The following SEMA3A variants were observed in gnomAD, a reference collection of about 807,000 sequenced individuals.
SEMA3A encodes semaphorin 3A, also known as semaphorin-3A.
Under a neutral mutation model 97.9 loss-of-function variants are expected in SEMA3A, and 29 were observed. The observed-to-expected ratio is 0.30, with a 90% confidence interval of 0.22 to 0.40. The LOEUF (loss-of-function observed/expected upper bound fraction) is 0.40. Among genes scored for constraint, SEMA3A ranks in the 10% least tolerant of loss-of-function variants. SEMA3A has a pLI of 1.00. For missense variants in SEMA3A, 763 were observed against 951.3 expected (o/e 0.80, Z 2.60); for synonymous variants, 321 against 323.7 (o/e 0.99, Z 0.09).
In SEMA3A at chr7:84,208,320, C is replaced by T. The variant is rs559347829; in HGVS notation, c.-82-13652G>A. On this transcript the variant is annotated intron_variant, in intron 3 of 3. Coordinates refer to the SEMA3A transcript ENST00000424555. ...ACAAAAAATTAGCTGGGTGTGGTGG[C>T]GGGCGCCTGTAATCCCAGCTACTGG... is the stretch of plus-strand genomic sequence containing the variant. Among the ~76,000 whole-genome samples the T allele has an allele frequency of 2.1e-4, 32 of 151,610 alleles. 1 individual carries two copies. The East Asian group carries it at 4.5e-3, about 21-fold the overall frequency.
intron 5 of SEMA3A, among the ~76,000 whole-genome samples, chr7:84,047,828 C>A (rs1792414157): frequency 6.6e-6 from 1 of 151,912 alleles, no homozygotes; most frequent in South Asian, 2.1e-4. Context: ...GTACCTAATT[C>A]TTACTTGCAA....
intron 1 of SEMA3A, among the ~76,000 whole-genome samples, chr7:84,161,549 A>C (rs1333795230): frequency 6.6e-6 from 1 of 152,154 alleles, no homozygotes; most frequent in Non-Finnish European, 1.5e-5. Context: ...CTATAAAAGT[A>C]GTTGGCAAGC....
At chr7:84,253,165 A>C (rs1799646316) in intron 3 of SEMA3A, among the ~76,000 whole-genome samples, 1 of 152,226 alleles carries the variant, frequency 6.6e-6, no homozygotes, top group South Asian at 2.1e-4. Context: ...GGCATGAGCC[A>C]AGGAGCCCAG....
chr7:84,128,973 T>C (rs1016997533), intron 3 of SEMA3A, 150 bp downstream of exon 3: 4 of 612,704 alleles, frequency 6.5e-6, no homozygotes, highest in Middle Eastern at 3.0e-4. Flanking sequence ...TATTGGGTTC[T>C]ATCCTAAAGA....
chr7:84,184,016 T>C (rs1259262167), intron 1 of SEMA3A, among the ~76,000 whole-genome samples: 2 of 152,136 alleles, frequency 1.3e-5, no homozygotes, highest in African/African-American at 4.8e-5. Context: ...AATGTGCTGA[T>C]GTTTATATAG....
chr7:84,250,816 G>T (rs980835713), intron 3 of SEMA3A, among the ~76,000 whole-genome samples: 3 of 152,102 alleles, frequency 2.0e-5, no homozygotes, highest in Non-Finnish European at 4.4e-5. Flanking sequence ...TTAAAATACA[G>T]TTATGGAATT....
chr7:84,267,897 T>G (rs955760352), intron 3 of SEMA3A, among the ~76,000 whole-genome samples: 3 of 152,168 alleles, frequency 2.0e-5, no homozygotes, highest in African/African-American at 4.8e-5. Flanking sequence ...AATGCTTGCT[T>G]GTATTTCTTA....
In SEMA3A at chr7:84,027,720, G is replaced by T. The variant is rs187654848; in HGVS notation, c.668-13369C>A. Among the ~76,000 whole-genome samples, 482 of 152,218 alleles carry T rather than the reference G, an allele frequency of 3.2e-3. 3 individuals carry two copies. The highest frequency in any genetic ancestry group is 6.8e-3 in the Middle Eastern group (2 of 292). On this transcript the variant is annotated intron_variant, in intron 6 of 16. Coordinates refer to ENST00000265362, the MANE Select transcript of SEMA3A (RefSeq NM_006080.3). ...GATGAGGTGGCAGTGTTAAGAAGCT[G>T]TCACAGTATCCAGTTTAGCTCCACC...
chr7:84,081,179 G>C (rs1794139713), intron 4 of SEMA3A, among the ~76,000 whole-genome samples: 1 of 151,984 alleles, frequency 6.6e-6, no homozygotes, highest in Non-Finnish European at 1.5e-5. Context: ...TCCATATTTA[G>C]AAGAATGACC....
At chr7:84,216,166 C>A (rs1159467131) in intron 3 of SEMA3A, among the ~76,000 whole-genome samples, 1 of 152,104 alleles carries the variant, frequency 6.6e-6, no homozygotes, top group East Asian at 1.9e-4. Context: ...CGGCTCACTG[C>A]CACCATCTTT....
At chr7:84,357,646 T>C (rs956429612) in intron 2 of SEMA3A, among the ~76,000 whole-genome samples, 2 of 152,100 alleles carry the variant, frequency 1.3e-5, no homozygotes, top group African/African-American at 2.4e-5. Flanking sequence ...TTTGGGTATA[T>C]ACCCAGTAAT....
intron 1 of SEMA3A, among the ~76,000 whole-genome samples, chr7:84,398,184 A>C (rs1297735365): frequency 1.3e-5 from 2 of 152,170 alleles, no homozygotes; most frequent in Admixed American, 6.6e-5. Flanking sequence ...TCTCCTATCC[A>C]ACAGGTCTTT....
chr7:84,389,265 A>T (rs1803479454), intron 1 of SEMA3A, among the ~76,000 whole-genome samples: 1 of 152,026 alleles, frequency 6.6e-6, no homozygotes, highest in Admixed American at 6.6e-5. Context: ...ACTCATGAAA[A>T]ATTGCTAAAG....
intron 4 of SEMA3A, among the ~76,000 whole-genome samples, chr7:84,081,088 A>G (rs1374779915): frequency 2.0e-5 from 3 of 152,094 alleles, no homozygotes; most frequent in Non-Finnish European, 2.9e-5. Context: ...AAGAATGCAC[A>G]TGATTCATAT....
intron 3 of SEMA3A, among the ~76,000 whole-genome samples, chr7:84,277,699 G>T (rs191566677): frequency 8.5e-5 from 13 of 152,150 alleles, no homozygotes; most frequent in South Asian, 6.2e-4. Context: ...TCTGCTTCAG[G>T]GGGGGCCTCA....
intron 3 of SEMA3A, among the ~76,000 whole-genome samples, chr7:84,210,234 G>A (rs6965146): frequency 1.1e-4 from 16 of 152,054 alleles, no homozygotes; most frequent in Non-Finnish European, 2.2e-4. Context: ...GAGGGAAAGA[G>A]TTACATAAAA....
intron 1 of SEMA3A, among the ~76,000 whole-genome samples, chr7:84,141,180 TTTTA>T (rs1355411488): frequency 6.6e-6 from 1 of 152,160 alleles, no homozygotes; most frequent in Non-Finnish European, 1.5e-5. Context: ...ATCTATATGC[TTTTA>T]TTTATTTGGT....
chr7:83,979,626 C>CA (rs1287282122), intron 14 of SEMA3A, among the ~76,000 whole-genome samples: 2 of 152,026 alleles, frequency 1.3e-5, no homozygotes, highest in Non-Finnish European at 2.9e-5. Context: ...GAAATTTCGA[C>CA]AAAATGAATG....
intron 1 of SEMA3A, among the ~76,000 whole-genome samples, chr7:84,436,994 A>G (rs1805149305): frequency 6.6e-6 from 1 of 152,118 alleles, no homozygotes; most frequent in Non-Finnish European, 1.5e-5. Context: ...TTAAATACCA[A>G]TGATTCAATT....
Sources: gnomAD v4.1 joint callset for allele counts (sites outside exome capture counted in the v4.1 genomes callset) on GRCh38, gnomAD v4.1.1 for gene constraint, MANE v1.5 for transcripts, NCBI Gene and HGNC (gene_info 2026-07-23, HGNC 2026-07-21) for gene names.